Variants in ARHGAP15 observed in about 807,000 individuals in gnomAD.
ARHGAP15 encodes the protein rho GTPase-activating protein 15.
Under a neutral mutation model 63.7 loss-of-function variants are expected in ARHGAP15, and 51 were observed. The ratio of observed to expected loss-of-function variants is 0.80; its 90% CI spans 0.64 to 1.01. The LOEUF (loss-of-function observed/expected upper bound fraction) is 1.01, where lower values mean the gene tolerates loss of function less well. Ranked by LOEUF, ARHGAP15 falls within the 50% of genes least tolerant of loss-of-function variation. The pLI is 0.00. For synonymous variants in ARHGAP15, 191 were observed against 193.8 expected (o/e 0.99, Z 0.12); for missense variants, 560 against 564.6 (o/e 0.99, Z 0.08).
At chr2:143,517,025 C>T (rs754453692) in intron 9 of ARHGAP15, among the ~76,000 whole-genome samples, 1 of 152,182 alleles carries the variant, frequency 6.6e-6, no homozygotes, top group Admixed American at 6.5e-5. Flanking sequence ...TCTCAGCTCA[C>T]TGCAACCTCT....
At chr2:143,542,774 A>G (rs1362520612) in intron 10 of ARHGAP15, among the ~76,000 whole-genome samples, 1 of 130,600 alleles carries the variant, frequency 7.7e-6, no homozygotes, top group Non-Finnish European at 1.6e-5. Flanking sequence ...TATATAATAT[A>G]TATATGATAT....
At chr2:143,662,210 T>C (rs1365015792) in intron 12 of ARHGAP15, among the ~76,000 whole-genome samples, 2 of 152,076 alleles carry the variant, frequency 1.3e-5, no homozygotes, top group Non-Finnish European at 2.9e-5. Context: ...AGCATGCAGC[T>C]GGAGATCTGA....
chr2:143,536,773 T>A (rs1191130979), intron 10 of ARHGAP15, among the ~76,000 whole-genome samples: 1 of 151,706 alleles, frequency 6.6e-6, no homozygotes, highest in Non-Finnish European at 1.5e-5. Context: ...CAGTCTATCA[T>A]TGTTGGACAT....
intron 13 of ARHGAP15, among the ~76,000 whole-genome samples, chr2:143,748,128 A>G (rs1279515337): frequency 6.6e-6 from 1 of 152,242 alleles, no homozygotes; most frequent in Non-Finnish European, 1.5e-5. Flanking sequence ...AACATCTACT[A>G]GAGGTCATGT....
At chr2:143,625,520 G>T (rs1698803241) in intron 12 of ARHGAP15, among the ~76,000 whole-genome samples, 1 of 152,152 alleles carries the variant, frequency 6.6e-6, no homozygotes, top group Admixed American at 6.5e-5. Flanking sequence ...ATACTCTAAA[G>T]ATGGGTTTTG....
chr2:143,515,187 A>AT (rs1693758018), intron 9 of ARHGAP15, among the ~76,000 whole-genome samples: 1 of 93,088 alleles, frequency 1.1e-5, no homozygotes. Flanking sequence ...CACTATATTA[A>AT]CCCCCCCACC....
chr2:143,651,911 G>A (rs1039934231), intron 12 of ARHGAP15, among the ~76,000 whole-genome samples: 2 of 151,872 alleles, frequency 1.3e-5, no homozygotes, highest in Non-Finnish European at 2.9e-5. Flanking sequence ...AGGATTTTAC[G>A]TTTTCTGATT....
intron 12 of ARHGAP15, among the ~76,000 whole-genome samples, chr2:143,672,171 T>C (rs1682559511): frequency 6.6e-6 from 1 of 152,192 alleles, no homozygotes; most frequent in Non-Finnish European, 1.5e-5. Flanking sequence ...TGGTAGATTT[T>C]CACTTCAAGA....
chr2:143,397,312 A>ATGTGTGTGTGTG (rs1378663277), intron 6 of ARHGAP15, among the ~76,000 whole-genome samples: 2 of 120,590 alleles, frequency 1.7e-5, no homozygotes, highest in African/African-American at 6.3e-5. Context: ...AATATGAGAT[A>ATGTGTGTGTGTG]TGTATGTGTG....
chr2:143,642,414 C>T (rs935211357), intron 12 of ARHGAP15, among the ~76,000 whole-genome samples: 7 of 151,996 alleles, frequency 4.6e-5, no homozygotes, highest in Non-Finnish European at 2.9e-5. Context: ...ATTCATTATG[C>T]CTAGGGTAAG....
At chr2:143,666,992 C>A (rs1277946612) in intron 12 of ARHGAP15, among the ~76,000 whole-genome samples, 4 of 142,238 alleles carry the variant, frequency 2.8e-5, no homozygotes, top group African/African-American at 1.1e-4. Flanking sequence ...CTAGTTCAAC[C>A]ATTGTGGAAG....
intron 4 of ARHGAP15, among the ~76,000 whole-genome samples, chr2:143,225,177 G>T (rs752729665): frequency 1.3e-5 from 2 of 151,996 alleles, no homozygotes; most frequent in South Asian, 2.1e-4. Flanking sequence ...TTTTTATTCC[G>T]CACTGGGCTT....
At chr2:143,734,735 C>T (rs1039683157) in intron 13 of ARHGAP15, among the ~76,000 whole-genome samples, 1 of 152,124 alleles carries the variant, frequency 6.6e-6, no homozygotes, top group Non-Finnish European at 1.5e-5. Context: ...GATAAAGGTC[C>T]TATTTTAGCA....
intron 6 of ARHGAP15, among the ~76,000 whole-genome samples, chr2:143,332,685 G>A (rs965212847): frequency 2.0e-5 from 3 of 152,160 alleles, no homozygotes; most frequent in African/African-American, 7.2e-5. Flanking sequence ...TAGAGGTTAC[G>A]CCGATTGCTT....
intron 13 of ARHGAP15, among the ~76,000 whole-genome samples, chr2:143,737,313 A>G (rs930981869): frequency 6.6e-6 from 1 of 152,238 alleles, no homozygotes. Context: ...CATTTGACCT[A>G]TTTATGCATT....
Position 143,703,382 on chromosome 2 carries a change from T to C in ARHGAP15, c.1139-37T>C, listed in dbSNP as rs1281506611. 2.5e-6 allele frequency: 4 copies of C among 1,570,382 alleles called. No homozygotes were observed. The Admixed American group carries it at 5.6e-5, about 22-fold the overall frequency. ...ATGTACCTGTACCTATGAAATCTTG[T>C]TTTTTCCCTAACCTTCCTTTTTATT... On this transcript the variant is annotated intron_variant, in intron 12 of 13. Transcript: ENST00000295095.
chr2:143,317,296 C>T (rs1371853939), intron 6 of ARHGAP15, among the ~76,000 whole-genome samples: 2 of 152,152 alleles, frequency 1.3e-5, no homozygotes, highest in Middle Eastern at 3.2e-3. Flanking sequence ...ATATTCAGTG[C>T]ATGTGTGGTT....
At chr2:143,302,501 C>T (rs765189207) in intron 6 of ARHGAP15, among the ~76,000 whole-genome samples, 2 of 151,938 alleles carry the variant, frequency 1.3e-5, no homozygotes, top group African/African-American at 2.4e-5. Flanking sequence ...GAAAAATCTG[C>T]ATTTCTGGTG....
chr2:143,363,981 GTCT>G lies in ARHGAP15; in HGVS notation c.475-71613_475-71611del, dbSNP rs766086326. ...AGATGGAGAGTGGAAGAAGTTACAT[GTCT>G]TCTTCTCAAATTTTAAAATGTTTAG... On this transcript the variant is annotated intron_variant, in intron 6 of 13. Transcript: ENST00000295095. 4.6e-5 allele frequency among the ~76,000 whole-genome samples: 7 copies of G among 152,196 alleles called. No homozygotes were observed. The East Asian group carries it at 5.8e-4, about 13-fold the overall frequency.
Sources: allele counts gnomAD v4.1 joint callset (sites outside exome capture counted in the v4.1 genomes callset), GRCh38; gene constraint gnomAD v4.1.1; transcripts MANE v1.5; gene names NCBI Gene and HGNC (gene_info 2026-07-23, HGNC 2026-07-21).